Variants in DTNB observed in about 807,000 individuals in gnomAD.
The protein encoded by DTNB is dystrobrevin beta.
A neutral mutation model predicts 90.7 loss-of-function variants in DTNB; 63 were observed. That is an observed-to-expected ratio of 0.69 (90% CI 0.57 to 0.86). The LOEUF (loss-of-function observed/expected upper bound fraction) is 0.86, where lower values mean the gene tolerates loss of function less well. DTNB is among the 40% of genes least tolerant of loss of function. The probability of loss-of-function intolerance (pLI) is 0.00; values close to 1 mark genes in which losing one functional copy is unlikely to be tolerated. For synonymous variants in DTNB, 277 were observed against 286.7 expected, an observed-to-expected ratio of 0.97 and a Z score of 0.34; for missense variants, 744 against 807.1, an observed-to-expected ratio of 0.92 and a Z score of 0.95.
At chr2:25,494,115 A>G (rs2068216440) in intron 9 of DTNB, among the ~76,000 whole-genome samples, 1 of 152,212 alleles carries the variant, frequency 6.6e-6, no homozygotes, top group Non-Finnish European at 1.5e-5. Context: ...GCATTTGCTG[A>G]GTGTGAAATG....
At chr2:25,420,084 G>A (rs2049029104) in intron 15 of DTNB, among the ~76,000 whole-genome samples, 2 of 152,016 alleles carry the variant, frequency 1.3e-5, no homozygotes, top group African/African-American at 4.8e-5. Flanking sequence ...CTAGGGGTGG[G>A]CCACAGCAAT....
intron 9 of DTNB, among the ~76,000 whole-genome samples, chr2:25,494,556 A>G (rs1021091772): frequency 9.9e-5 from 15 of 151,856 alleles, no homozygotes; most frequent in African/African-American, 3.4e-4. Flanking sequence ...TTCATAACCA[A>G]CCTCACGAAG....
At chr2:25,511,729 A>G (rs746410049) in intron 9 of DTNB, among the ~76,000 whole-genome samples, 13 of 152,218 alleles carry the variant, frequency 8.5e-5, no homozygotes, top group Non-Finnish European at 1.8e-4. Context: ...CTCAGATAAC[A>G]TCAGTAGCAG....
At chr2:25,645,717 A>C (rs1346448877) in intron 2 of DTNB, among the ~76,000 whole-genome samples, 1 of 152,192 alleles carries the variant, frequency 6.6e-6, no homozygotes, top group Non-Finnish European at 1.5e-5. Flanking sequence ...CTGGAATTAC[A>C]GGCATGAGCC....
At chr2:25,579,828 G>T (rs1296978876) in intron 7 of DTNB, among the ~76,000 whole-genome samples, 1 of 151,982 alleles carries the variant, frequency 6.6e-6, no homozygotes, top group African/African-American at 2.4e-5. Context: ...GTTTTTTAGA[G>T]ATATGAGTTT....
intron 5 of DTNB, among the ~76,000 whole-genome samples, chr2:25,603,370 A>G (rs971686776): frequency 1.3e-5 from 2 of 152,214 alleles, no homozygotes; most frequent in Non-Finnish European, 2.9e-5. Context: ...TTCCGATTAT[A>G]AATCATTGGT....
chr2:25,527,064 T>G (rs1207824158), intron 9 of DTNB, among the ~76,000 whole-genome samples: 1 of 152,114 alleles, frequency 6.6e-6, no homozygotes, highest in African/African-American at 2.4e-5. Context: ...CTAACATAAC[T>G]TGGGAAATAT....
intron 5 of DTNB, among the ~76,000 whole-genome samples, chr2:25,600,452 C>T (rs913233397): frequency 1.3e-5 from 2 of 152,158 alleles, no homozygotes; most frequent in Non-Finnish European, 2.9e-5. Context: ...AGAAGAAAGA[C>T]GGGAAGAAGT....
intron 11 of DTNB, 76 bp from the exon 12 acceptor site, chr2:25,451,711 TG>T: frequency 2.2e-6 from 3 of 1,358,552 alleles, no homozygotes; most frequent in South Asian, 3.2e-5. Context: ...AAAGAACAGA[TG>T]GAAGAAAAGC....
intron 9 of DTNB, among the ~76,000 whole-genome samples, chr2:25,517,388 G>C (rs900662562): frequency 6.6e-6 from 1 of 151,820 alleles, no homozygotes; most frequent in Non-Finnish European, 1.5e-5. Flanking sequence ...TAAATTAACT[G>C]AAAATAATTT....
chr2:25,663,420 T>C (rs753004763), intron 1 of DTNB, among the ~76,000 whole-genome samples: 16 of 152,258 alleles, frequency 1.1e-4, no homozygotes, highest in Non-Finnish European at 2.1e-4. Context: ...CCTTTGGGTA[T>C]ATACCCAGTA....
At position 25,455,470 on chromosome 2, in the gene DTNB, G is replaced by C; in HGVS notation, c.1104C>G (p.Pro368=). ...GCGCATGCTCATCGGCCAAGTGACT[G>C]GGTATATCCTGGCTATACTGTAACC... ...TKRLQYSQDI[P]SHLADEHALI... Residue 368 remains proline (P), a synonymous_variant, in exon 11 of 21, where the codon CCC becomes CCG. Transcript: ENST00000406818. 6.2e-7 allele frequency: 1 copy of C among 1,607,302 alleles called. No individual in the cohort carries two copies. The highest frequency in any genetic ancestry group is 8.5e-7 in the Non-Finnish European group (1 of 1,177,004).
rs1218639156 is a variant in DTNB, at chr2:25,537,307, T to C, written c.877-5710A>G. On this transcript the variant is annotated intron_variant, in intron 8 of 20. Coordinates refer to ENST00000406818, the MANE Select transcript of DTNB (RefSeq NM_021907.5). The stretch of plus-strand genomic sequence containing the variant: ...ATCTGTCATCCATGTATTAATTTCA[T>C]GATTTTTTGCTATATCTGCCATTAA... Among the ~76,000 whole-genome samples the C allele has an allele frequency of 2.0e-5, 3 of 152,232 alleles. No individual in the cohort carries two copies. In the East Asian group the frequency reaches 5.8e-4, roughly 29 times the overall value.
At chr2:25,580,688 C>T (rs1351566054) in intron 7 of DTNB, 33 bp downstream of exon 7, 1 of 1,555,054 alleles carries the variant, frequency 6.4e-7, no homozygotes, top group Non-Finnish European at 8.9e-7. Flanking sequence ...CTTTCTATAG[C>T]ATGCGGAATT....
At chr2:25,400,953 C>T (rs1297065894) in intron 16 of DTNB, among the ~76,000 whole-genome samples, 6 of 152,156 alleles carry the variant, frequency 3.9e-5, no homozygotes, top group Admixed American at 3.3e-4. Flanking sequence ...CCTGAGAACC[C>T]GAGAAAGCTC....
At chr2:25,653,876 G>A (rs529053010) in intron 1 of DTNB, among the ~76,000 whole-genome samples, 8 of 152,226 alleles carry the variant, frequency 5.3e-5, no homozygotes, top group African/African-American at 1.9e-4. Flanking sequence ...GGAAGATGCC[G>A]TTCGTTCACC....
chr2:25,377,700 C>A (rs1243409800), intron 20 of DTNB, 147 bp from the exon 21 acceptor site: 2 of 152,352 alleles, frequency 1.3e-5, no homozygotes, highest in Non-Finnish European at 2.9e-5. Flanking sequence ...AAGGGTGGTA[C>A]CTAGGGTCCT....
chr2:25,463,079 G>T (rs897919988), intron 10 of DTNB, among the ~76,000 whole-genome samples: 1 of 152,004 alleles, frequency 6.6e-6, no homozygotes, highest in Non-Finnish European at 1.5e-5. Context: ...CCTCTCCCTC[G>T]AGCTCCAGAA....
At chr2:25,616,630 T>TAAAAAAAAAGAAAAAAAAA (rs2070623478) in intron 4 of DTNB, among the ~76,000 whole-genome samples, 1 of 117,684 alleles carries the variant, frequency 8.5e-6, no homozygotes, top group African/African-American at 3.4e-5. Flanking sequence ...CTATTTATAG[T>TAAAAAAAAAGAAAAAAAAA]AAAAAAAAAA....
Sources: gnomAD v4.1 joint callset for allele counts (sites outside exome capture counted in the v4.1 genomes callset) on GRCh38, gnomAD v4.1.1 for gene constraint, MANE v1.5 for transcripts, NCBI Gene and HGNC (gene_info 2026-07-23, HGNC 2026-07-21) for gene names.